NKPD1: variants seen among roughly 807,000 people sequenced by gnomAD.
NKPD1 encodes the protein NTPase KAP family P-loop domain containing 1.
Under a neutral mutation model 42.2 loss-of-function variants are expected in NKPD1, and 37 were observed. That is an observed-to-expected ratio of 0.88 (90% CI 0.67 to 1.15). The LOEUF (loss-of-function observed/expected upper bound fraction) is 1.15, where lower values mean the gene tolerates loss of function less well. Ranked by LOEUF, NKPD1 falls within the 50% of genes most tolerant of loss-of-function variation. The probability of loss-of-function intolerance (pLI) is 0.00; values close to 1 mark genes in which losing one functional copy is unlikely to be tolerated. For missense variants in NKPD1, 1,113 were observed against 1,174.6 expected, an observed-to-expected ratio of 0.95 and a Z score of 0.77; for synonymous variants, 552 against 536.5, an observed-to-expected ratio of 1.03 and a Z score of -0.40.
intron 4 of NKPD1, among the ~76,000 whole-genome samples, chr19:45,155,040 A>G (rs1033803369): frequency 1.3e-5 from 2 of 150,914 alleles, no homozygotes; most frequent in Non-Finnish European, 3.0e-5. Context: ...AAAAAAAAAA[A>G]AAAGGCCAGG....
intron 2 of NKPD1, among the ~76,000 whole-genome samples, chr19:45,159,743 C>T (rs1968971946): frequency 6.6e-6 from 1 of 152,208 alleles, no homozygotes; most frequent in South Asian, 2.1e-4. Flanking sequence ...GGGGCTCCCT[C>T]TCCTACCCCT....
rs1034670441 is a variant in NKPD1, at chr19:45,153,189, C to G, written c.1248G>C (p.Ser416=). Residue 416 remains serine (S), a synonymous_variant, in exon 5 of 5, where the codon TCG becomes TCC. Transcript: ENST00000686631. ...CCAGCTGGCTGCCGAACTTTTCACG[C>G]GACACCAGCCGCTCGATCTTCTTGC... ...SQRKKIERLV[S]REKFGSQLGF... is the part of the protein sequence containing the mutation. 3.2e-6 allele frequency: 5 copies of G among 1,584,052 alleles called. No individual in the cohort carries two copies. Among genetic ancestry groups the G allele is most frequent in the Non-Finnish European group, 3.4e-6 (4 of 1,166,036 alleles).
Position 45,153,626 on chromosome 19 carries a change from G to A in NKPD1, c.811C>T (p.Arg271Cys), listed in dbSNP as rs1247714276. Residue 271 changes from arginine (R) to cysteine (C), a missense_variant, in exon 5 of 5, where the codon CGC (arginine) becomes TGC (cysteine). Physicochemically the swap from Arg to Cys is radical, Grantham distance 180. Transcript: ENST00000686631. ...ATGAAAAGGAACTGCACGTTCCTGC[G>A]CCGCAGGTGCACCTCGGTGATGATG... ...QPIITEVHLR[R>C]RNVQFLFIRF... is the part of the protein sequence containing the mutation. 1.3e-6 allele frequency: 2 copies of A among 1,582,154 alleles called. No individual in the cohort carries two copies. Among genetic ancestry groups the A allele is most frequent in the Admixed American group, 1.8e-5 (1 of 56,758 alleles).
rs1317886524 is a variant in NKPD1, at chr19:45,153,103, T to C, written c.1334A>G (p.Glu445Gly). The change falls in exon 5 of 5, where the codon GAG becomes GGG. Residue 445 changes from glutamate (E) to glycine (G), a missense_variant. Physicochemically the swap from Glu to Gly is moderately conservative, Grantham distance 98. Coordinates refer to ENST00000686631, the MANE Select transcript of NKPD1 (RefSeq NM_198478.4). ...GCGCAGCCTGCGCCGCTGGTAGATCTCCAGGAAGCACAGGAAGTCGGTGAG... is the reference window on the plus strand; with the variant it reads ...GCGCAGCCTGCGCCGCTGGTAGATCCCCAGGAAGCACAGGAAGTCGGTGAG... ...ELLTDFLCFL[E>G]IYQRRRLRVV... 3 of 1,575,750 alleles carry C rather than the reference T, an allele frequency of 1.9e-6. No individual in the cohort carries two copies. The highest frequency in any genetic ancestry group is 3.7e-5 in the Admixed American group (2 of 54,354).
chr19:45,153,862 G>GAGAGGCGAGGGGCGCCCAGC (rs991593028), intron 4 of NKPD1, 87 bp from the exon 5 acceptor site: 11 of 1,312,314 alleles, frequency 8.4e-6, no homozygotes, highest in Non-Finnish European at 9.8e-6. Context: ...AGCGCTCCTG[G>GAGAGGCGAGGGGCGCCCAGC]AGAGGCGAGG....
chr19:45,152,856 G>A lies in NKPD1; in HGVS notation c.1581C>T (p.Phe527=), dbSNP rs1248754181. The change falls in exon 5 of 5, where the codon TTC becomes TTT. Residue 527 remains phenylalanine, a synonymous_variant. Coordinates refer to ENST00000686631, the MANE Select transcript of NKPD1 (RefSeq NM_198478.4). Reference sequence around the variant, plus strand: ...TGCGGCGGCCCATAATGGGCACAGAGAAGGGCAGCGTGACAGTGCGGTTGA... The same window carrying A: ...TGCGGCGGCCCATAATGGGCACAGAAAAGGGCAGCGTGACAGTGCGGTTGA... ...LFLNRTVTLP[F]SVPIMGRRTK... is the part of the protein sequence containing the mutation. The A allele has an allele frequency of 1.3e-6, 2 of 1,592,094 alleles. No individual in the cohort carries two copies. Among genetic ancestry groups the A allele is most frequent in the East Asian group, 2.3e-5 (1 of 44,056 alleles).
In NKPD1 at chr19:45,159,064, A is replaced by T; in HGVS notation, c.128T>A (p.Leu43His). The T allele has an allele frequency of 7.7e-7, 1 of 1,298,028 alleles. No individual in the cohort carries two copies. Among genetic ancestry groups the T allele is most frequent in the Middle Eastern group, 2.2e-4 (1 of 4,610 alleles). The allele number at this position is 1,298,028 out of a possible 1,614,324, so 80.4% of individuals were successfully genotyped here. A position where few individuals can be genotyped will look rare whatever the true frequency, so the allele number is the denominator to read the frequency against. The change falls in exon 3 of 5, where the codon CTC (leucine) becomes CAC (histidine). Residue 43 changes from leucine to histidine, a missense_variant. Leu to His is a moderately conservative substitution (Grantham distance 99, BLOSUM62 -3). This residue lies in a region of NKPD1 where 204 missense variants were observed against 227.8 expected (regional missense o/e 0.90). Coordinates refer to ENST00000686631, the MANE Select transcript of NKPD1 (RefSeq NM_198478.4). ...CHQWRQDSAA[L>H]RAHGPCRPSP... ...AGGCCGACAGGGCCCATGGGCTCGG[A>T]GGGCCGCTGAGTCCTGGCGCCACTG...
rs570252134 is a variant in NKPD1, at chr19:45,159,083, G to A, written c.109C>T (p.Arg37Cys). 3.5e-5 allele frequency: 45 copies of A among 1,289,658 alleles called. No homozygotes were observed. The East Asian group carries it at 8.6e-4, about 25-fold the overall frequency. The allele number at this position is 1,289,658 out of a possible 1,614,324, so 79.9% of individuals were successfully genotyped here. A position where few individuals can be genotyped will look rare whatever the true frequency, so the allele number is the denominator to read the frequency against. ...GCTCGGAGGGCCGCTGAGTCCTGGC[G>A]CCACTGATGACAGCATCCTGGAAGG... ...GHRKGCCHQW[R>C]QDSAALRAHG... Residue 37 changes from arginine (R) to cysteine (C), a missense_variant, in exon 3 of 5, where the codon CGC becomes TGC. Arg to Cys is a radical substitution (Grantham distance 180). Coordinates refer to ENST00000686631, the MANE Select transcript of NKPD1 (RefSeq NM_198478.4).
chr19:45,154,082 G>A (rs74402135), intron 4 of NKPD1, among the ~76,000 whole-genome samples: 1 of 152,186 alleles, frequency 6.6e-6, no homozygotes, highest in Non-Finnish European at 1.5e-5. Flanking sequence ...GGAAGAGCCA[G>A]GGATGGGCAA....
Position 45,153,694 on chromosome 19 carries a change from C to T in NKPD1, c.743G>A (p.Trp248Ter), listed in dbSNP as rs1465778480. 1.3e-6 allele frequency: 2 copies of T among 1,547,564 alleles called. No homozygotes were observed. The highest frequency in any genetic ancestry group is 3.9e-5 in the Admixed American group (2 of 51,668). The change falls in exon 5 of 5, where the codon TGG (tryptophan) becomes TAG (stop). Residue 248 changes from tryptophan to a stop codon, truncating the protein, a stop_gained. Transcript: ENST00000686631. LOFTEE classifies it high-confidence loss of function. ...GTACCACAGTAGCTGCGGGACGCCC[C>T]AGCCGCTCACGGCACGCGGCCGCCA... ...VQWRPRAVSG[W>*]GVPQLLWYLV...
In NKPD1 at chr19:45,155,770, C is replaced by T. The variant is rs1428255359; in HGVS notation, c.661+15G>A. ...TTTCTCATCCTCCCCCCAACAAACA[C>T]ACACAGCTCCTCACCCGTGATCTTG... On this transcript the variant is annotated intron_variant, in intron 4 of 4. Coordinates refer to ENST00000686631, the MANE Select transcript of NKPD1 (RefSeq NM_198478.4). The T allele has an allele frequency of 1.2e-5, 15 of 1,293,970 alleles. No individual in the cohort carries two copies. Among genetic ancestry groups the T allele is most frequent in the Non-Finnish European group, 1.4e-5 (14 of 979,784 alleles). The allele number at this position is 1,293,970 out of a possible 1,614,324, so 80.2% of individuals were successfully genotyped here.
Position 45,155,931 on chromosome 19 carries a change from T to C in NKPD1, c.530-15A>G, listed in dbSNP as rs1410302283. On this transcript the variant is annotated splice_polypyrimidine_tract_variant and intron_variant, in intron 3 of 4. Transcript: ENST00000686631. ...TGTCAGGATGTCTGGTGGTTGGGAG[T>C]GGGGACACTGAGTCAGGACCACTGG... 1 of 1,302,698 alleles carries C rather than the reference T, an allele frequency of 7.7e-7. No individual in the cohort carries two copies. The highest frequency in any genetic ancestry group is 2.3e-5 in the Admixed American group (1 of 43,462). The allele number at this position is 1,302,698 out of a possible 1,614,324, so 80.7% of individuals were successfully genotyped here.
intron 2 of NKPD1, 43 bp from the exon 3 acceptor site, chr19:45,159,143 C>T: frequency 1.6e-6 from 2 of 1,245,092 alleles, no homozygotes; most frequent in Non-Finnish European, 2.1e-6. Flanking sequence ...GTGTCCCCGA[C>T]CCCCGGGGGC....
At chr19:45,159,602 C>G (rs1445086972) in intron 2 of NKPD1, among the ~76,000 whole-genome samples, 1 of 152,092 alleles carries the variant, frequency 6.6e-6, no homozygotes, top group East Asian at 1.9e-4. Context: ...GAAGCTCCAG[C>G]CCTCGCCCTA....
At position 45,158,930 on chromosome 19, in the gene NKPD1, A is replaced by G. The variant is rs2122798373; in HGVS notation, c.262T>C (p.Ser88Pro). 1.5e-6 allele frequency: 2 copies of G among 1,299,154 alleles called. No homozygotes were observed. The highest frequency in any genetic ancestry group is 5.6e-5 in the East Asian group (1 of 17,806). 80.5% of individuals were successfully genotyped at this position (1,299,154 alleles called of 1,614,324 possible). A position where few individuals can be genotyped will look rare whatever the true frequency, so the allele number is the denominator to read the frequency against. The change falls in exon 3 of 5, where the codon TCC becomes CCC. Residue 88 changes from serine (S) to proline (P), a missense_variant. Ser to Pro is a moderately conservative substitution (Grantham distance 74). This residue lies in a region of NKPD1 where 204 missense variants were observed against 227.8 expected (regional missense o/e 0.90). Coordinates refer to ENST00000686631, the MANE Select transcript of NKPD1 (RefSeq NM_198478.4). This position sits in a 1 kb window ranked among gnomAD's most constrained non-coding sequence, Gnocchi z 4.6. ...SVLQQQRQPQ[S>P]QPSPPSPLRQ... The stretch of plus-strand genomic sequence containing the variant: ...AGGGGGCTGGGAGGTGAGGGCTGGG[A>G]CTGGGGCTGCCGCTGCTGCTGCAGG...
upstream of NKPD1, among the ~76,000 whole-genome samples, chr19:45,161,068 C>T (rs932212921): frequency 2.0e-5 from 3 of 152,216 alleles, no homozygotes; most frequent in Non-Finnish European, 4.4e-5. Context: ...GCCCCTTCCC[C>T]AGCGCCTGCC....
chr19:45,152,744 C>T lies in NKPD1; in HGVS notation c.1693G>A (p.Asp565Asn). The change falls in exon 5 of 5, where the codon GAC (aspartate) becomes AAC (asparagine). Residue 565 changes from aspartate to asparagine, a missense_variant. Coordinates refer to ENST00000686631, the MANE Select transcript of NKPD1 (RefSeq NM_198478.4). ...AGCTGCGCGCTCTCGCCCCCGGCGT[C>T]CCCCGGCAGCCACGGCTTGCGCGTC... ...EMTRKPWLPG[D>N]AGGESAQLLA... 1 of 1,593,230 alleles carries T rather than the reference C, an allele frequency of 6.3e-7. No homozygotes were observed. The highest frequency in any genetic ancestry group is 8.5e-7 in the Non-Finnish European group (1 of 1,172,106).
At position 45,156,023 on chromosome 19, in the gene NKPD1, T is replaced by A. The variant is rs890697261; in HGVS notation, c.530-107A>T. On this transcript the variant is annotated intron_variant, in intron 3 of 4. Coordinates refer to ENST00000686631, the MANE Select transcript of NKPD1 (RefSeq NM_198478.4). ...CTATCAGCCCCTTCCTGGCACCCTGTGCAAAGGGGACTCAGGTCAAACCCT... is the reference window on the plus strand; with the variant it reads ...CTATCAGCCCCTTCCTGGCACCCTGAGCAAAGGGGACTCAGGTCAAACCCT... The A allele has an allele frequency of 3.7e-6, 4 of 1,085,606 alleles. No individual in the cohort carries two copies. The African/African-American group carries it at 6.5e-5, about 18-fold the overall frequency. The allele number at this position is 1,085,606 out of a possible 1,614,324, so 67.2% of individuals were successfully genotyped here. A position where few individuals can be genotyped will look rare whatever the true frequency, so the allele number is the denominator to read the frequency against.
In NKPD1 at chr19:45,157,719, C is replaced by CTTTTTTTT. The variant is rs34991759; in HGVS notation, c.529+936_529+943dup. ...GCATGAGCCAGTGCGCCCAGACATA[C>CTTTTTTTT]TTTTTTTTTTTTTTTTTTTTTTTGA... On this transcript the variant is annotated intron_variant, in intron 3 of 4. Coordinates refer to ENST00000686631, the MANE Select transcript of NKPD1 (RefSeq NM_198478.4). Among the ~76,000 whole-genome samples the CTTTTTTTT allele has an allele frequency of 1.1e-4, 9 of 83,352 alleles. 1 individual carries two copies. Among genetic ancestry groups the CTTTTTTTT allele is most frequent in the East Asian group, 6.3e-4 (2 of 3,174 alleles). 54.7% of individuals were successfully genotyped at this position (83,352 alleles called of 152,430 possible).
Sources: allele counts gnomAD v4.1 joint callset (sites outside exome capture counted in the v4.1 genomes callset), GRCh38; gene constraint gnomAD v4.1.1; regional missense constraint gnomAD v4.1.1; non-coding constraint Gnocchi (gnomAD v3.1); transcripts MANE v1.5; gene names NCBI Gene and HGNC (gene_info 2026-07-23, HGNC 2026-07-21).